The following NME4 variants were observed in gnomAD, a reference collection of about 807,000 sequenced individuals.
The protein encoded by NME4 is nucleoside diphosphate kinase D, mitochondrial.
Under a neutral mutation model 16.4 loss-of-function variants are expected in NME4, and 21 were observed. The ratio of observed to expected loss-of-function variants is 1.28; its 90% confidence interval spans 0.91 to 1.84. The LOEUF (loss-of-function observed/expected upper bound fraction) is 1.84. Ranked by LOEUF, NME4 falls within the 40% of genes most tolerant of loss-of-function variation. NME4 has a pLI of 0.00. For missense variants in NME4, 316 were observed against 261.3 expected, an observed-to-expected ratio of 1.21 and a Z score of -1.44; for synonymous variants, 132 against 107.5, an observed-to-expected ratio of 1.23 and a Z score of -1.41.
intron 1 of NME4, among the ~76,000 whole-genome samples, chr16:397,514 C>T (rs1163709198): frequency 7.3e-6 from 1 of 136,888 alleles, no homozygotes; most frequent in Non-Finnish European, 1.6e-5. Flanking sequence ...TCTGCGGCTC[C>T]TTCTCGCCTC....
In NME4 at chr16:397,738, G is replaced by T. The variant is rs890290362; in HGVS notation, c.91+425G>T. ...GGGGTGAGGGAGTCGGGGGGTGGGG[G>T]TGGGGGGAGCCGCTCCGCTGGGGCG... On this transcript the variant is annotated intron_variant, in intron 1 of 4. Transcript: ENST00000219479. The T allele has an allele frequency of 1.8e-5, 24 of 1,299,054 alleles. No individual in the cohort carries two copies. In the East Asian group the frequency reaches 4.4e-4, roughly 24 times the overall value. 80.5% of individuals were successfully genotyped at this position (1,299,054 alleles called of 1,614,324 possible). A position where few individuals can be genotyped will look rare whatever the true frequency, so the allele number is the denominator to read the frequency against.
chr16:400,096 T>A (rs1444470049), intron 4 of NME4, 123 bp from the exon 5 acceptor site: 1 of 1,406,732 alleles, frequency 7.1e-7, no homozygotes, highest in African/African-American at 1.4e-5. Context: ...TGTTACTCCT[T>A]CCCTGTCTGC....
intron 1 of NME4, chr16:398,024 G>C: frequency 6.5e-7 from 1 of 1,536,168 alleles, no homozygotes; most frequent in South Asian, 1.2e-5. Context: ...GTGGGCTTCA[G>C]CCGCCTGCTG....
At chr16:398,154 C>T in intron 1 of NME4, 1 of 1,525,096 alleles carries the variant, frequency 6.6e-7, no homozygotes, top group Non-Finnish European at 8.8e-7. Flanking sequence ...TAGCTTGGCT[C>T]TGGAGCAGCC....
intron 1 of NME4, 109 bp from the exon 2 acceptor site, chr16:398,881 A>C: frequency 6.8e-7 from 1 of 1,463,974 alleles, no homozygotes; most frequent in Non-Finnish European, 9.3e-7. Flanking sequence ...CCCTGCATAG[A>C]GGCAGACACC....
rs1031399326 is a variant in NME4, at chr16:400,672, C to T, written c.*330C>T. 7.2e-6 allele frequency: 2 copies of T among 277,404 alleles called. No homozygotes were observed. Among genetic ancestry groups the T allele is most frequent in the African/African-American group, 4.4e-5 (2 of 45,688 alleles). 17.2% of individuals were successfully genotyped at this position (277,404 alleles called of 1,614,324 possible). A position where few individuals can be genotyped will look rare whatever the true frequency, so the allele number is the denominator to read the frequency against. On this transcript the variant is annotated 3_prime_UTR_variant, in exon 5 of 5. Coordinates refer to ENST00000219479, the MANE Select transcript of NME4 (RefSeq NM_005009.3). ...CACATGGGTGGTACACTAATTATGA[C>T]TTCCCCCAGCTCTGAGGTAGAAATG...
chr16:398,954 G>A (rs2054602558), intron 1 of NME4, 36 bp from the exon 2 acceptor site: 35 of 1,607,024 alleles, frequency 2.2e-5, no homozygotes, highest in Non-Finnish European at 3.0e-5. Flanking sequence ...GTGAAAGGGT[G>A]AGGTGGCAGT....
At position 399,366 on chromosome 16, in the gene NME4, C is replaced by G; in HGVS notation, c.226-13C>G. ...TACTGTCTGCGGCTCCTCCTTACCT[C>G]AATGCCACCCAGGCACCAGAGAGCG... On this transcript the variant is annotated splice_polypyrimidine_tract_variant and intron_variant, in intron 2 of 4. Coordinates refer to ENST00000219479, the MANE Select transcript of NME4 (RefSeq NM_005009.3). 6.2e-7 allele frequency: 1 copy of G among 1,612,086 alleles called. No individual in the cohort carries two copies. The highest frequency in any genetic ancestry group is 1.3e-5 in the African/African-American group (1 of 75,010).
At chr16:397,410 T>A (rs1331240009) in intron 1 of NME4, 97 bp downstream of exon 1, 7 of 393,372 alleles carry the variant, frequency 1.8e-5, no homozygotes, top group Non-Finnish European at 2.4e-5. Flanking sequence ...GGGGTCCGAC[T>A]CCCCCAGAGG....
At chr16:398,935 C>T (rs552397870) in intron 1 of NME4, 55 bp from the exon 2 acceptor site, 23 of 1,599,588 alleles carry the variant, frequency 1.4e-5, no homozygotes, top group Admixed American at 3.4e-5. Context: ...AAACCCGGGT[C>T]GTGGGGACGT....
chr16:399,000 C>T lies in NME4; in HGVS notation c.102C>T (p.Ser34=), dbSNP rs2054603436. ...LLVRHGSGGP[S]WTRERTLVAV... is the part of the protein sequence containing the mutation. ...TCTTGCCTTTTGAAGGAGGGCCCTC[C>T]TGGACCCGGGAGCGGACCCTGGTGG... is the stretch of plus-strand genomic sequence containing the variant. Residue 34 remains serine (S), a synonymous_variant, in exon 2 of 5, where the codon TCC becomes TCT. Transcript: ENST00000219479. 4 of 1,610,150 alleles carry T rather than the reference C, an allele frequency of 2.5e-6. No homozygotes were observed. The highest frequency in any genetic ancestry group is 3.4e-6 in the Non-Finnish European group (4 of 1,179,894).
chr16:398,776 G>A, intron 1 of NME4: 1 of 643,068 alleles, frequency 1.6e-6, no homozygotes, highest in East Asian at 2.8e-5. Flanking sequence ...GGAGAGGCTA[G>A]AAGCCCTGGG....
intron 2 of NME4, 124 bp downstream of exon 2, chr16:399,247 G>C (rs757952515): frequency 6.9e-7 from 1 of 1,447,284 alleles, no homozygotes; most frequent in Non-Finnish European, 9.7e-7. Flanking sequence ...GGGCAGGAGG[G>C]ATCTATTCTG....
At chr16:398,187 C>A (rs761462271) in intron 1 of NME4, 1 of 1,498,348 alleles carries the variant, frequency 6.7e-7, no homozygotes, top group Admixed American at 2.0e-5. Context: ...AAGGTGAGGA[C>A]GTCTTCTGTT....
intron 1 of NME4, chr16:398,105 C>T (rs1380038320): frequency 1.0e-5 from 16 of 1,533,644 alleles, no homozygotes; most frequent in Non-Finnish European, 1.2e-5. Flanking sequence ...CATACAGGGT[C>T]TGGGCTCCTC....
rs758345034 is a variant in NME4 at position 400,158 on chromosome 16, C to T, written c.441-61C>T. On this transcript the variant is annotated intron_variant, in intron 4 of 4. Transcript: ENST00000219479. ...AGGGCAACGGGAGCAGCAGATGGTCCCTGGGATTCCTCAGGGTGCACATGA... is the reference window on the plus strand; with the variant it reads ...AGGGCAACGGGAGCAGCAGATGGTCTCTGGGATTCCTCAGGGTGCACATGA... The T allele has an allele frequency of 3.3e-4, 527 of 1,611,188 alleles. 2 individuals carry two copies. The highest frequency in any genetic ancestry group is 1.8e-5 in the Non-Finnish European group (21 of 1,178,948).
intron 1 of NME4, 69 bp from the exon 2 acceptor site, chr16:398,921 T>C: frequency 1.3e-6 from 2 of 1,592,358 alleles, no homozygotes; most frequent in Non-Finnish European, 8.5e-7. Context: ...GGGCTCTGGC[T>C]GGGAAACCCG....
At chr16:398,543 G>T (rs1028692605) in intron 1 of NME4, 22 of 599,530 alleles carry the variant, frequency 3.7e-5, no homozygotes, top group Non-Finnish European at 5.2e-5. Context: ...AGTTTTGCAG[G>T]ATCTCCAGAC....
chr16:398,293 C>A, intron 1 of NME4: 1 of 1,356,238 alleles, frequency 7.4e-7, no homozygotes, highest in Non-Finnish European at 9.7e-7. Context: ...TCCACAGCAG[C>A]ACAGGCCCCG....
Sources: allele counts gnomAD v4.1 joint callset (sites outside exome capture counted in the v4.1 genomes callset), GRCh38; gene constraint gnomAD v4.1.1; transcripts MANE v1.5; gene names NCBI Gene and HGNC (gene_info 2026-07-23, HGNC 2026-07-21).